Variants in ATP8B1 observed in about 807,000 individuals in gnomAD.
ATP8B1 encodes the protein ATPase phospholipid transporting 8B1, also known as phospholipid-transporting ATPase IC.
Under a neutral mutation model 149.9 loss-of-function variants are expected in ATP8B1, and 80 were observed. That is an observed-to-expected ratio of 0.53 (90% CI 0.45 to 0.64). ATP8B1 has a LOEUF of 0.64. Ranked by LOEUF, ATP8B1 falls within the 30% of genes least tolerant of loss-of-function variation. The probability of loss-of-function intolerance (pLI) is 0.00; values close to 1 mark genes in which losing one functional copy is unlikely to be tolerated. For synonymous variants in ATP8B1, 536 were observed against 562.8 expected, an observed-to-expected ratio of 0.95 and a Z score of 0.67; for missense variants, 1,247 against 1,552.6, an observed-to-expected ratio of 0.80 and a Z score of 3.31.
intron 17 of ATP8B1, among the ~76,000 whole-genome samples, chr18:57,670,292 G>C (rs1244696729): frequency 6.6e-6 from 1 of 151,490 alleles, no homozygotes; most frequent in Non-Finnish European, 1.5e-5. Context: ...ATGGAAAAGA[G>C]TATCTGGCAA....
At chr18:57,698,001 G>A in intron 6 of ATP8B1, 134 bp from the exon 7 acceptor site, 1 of 781,778 alleles carries the variant, frequency 1.3e-6, no homozygotes. Context: ...GCTCTTTAAT[G>A]GATGTAAACA....
chr18:57,677,472 T>C (rs1192211545), intron 15 of ATP8B1, among the ~76,000 whole-genome samples: 1 of 111,546 alleles, frequency 9.0e-6, no homozygotes, highest in Non-Finnish European at 2.0e-5. Flanking sequence ...TTGACCAGGA[T>C]GAAGGCCACA....
At position 57,691,926 on chromosome 18, in the gene ATP8B1, G is replaced by T. The variant is rs35969033; in HGVS notation, c.1101C>A (p.Gly367=). Residue 367 remains glycine (G), a synonymous_variant, in exon 12 of 28, where the codon GGC becomes GGA. Coordinates refer to ENST00000648908, the MANE Select transcript of ATP8B1 (RefSeq NM_001374385.1). The stretch of plus-strand genomic sequence containing the variant: ...CATCATAGAGGTACCAAGAGGAATT[G>T]CCCACCTGTGCTTCCCAATAAGCAT... ...IGHAYWEAQV[G]NSSWYLYDGE... 49 of 1,614,034 alleles carry T rather than the reference G, an allele frequency of 3.0e-5. No homozygotes were observed. Among genetic ancestry groups the T allele is most frequent in the Non-Finnish European group, 4.1e-5 (48 of 1,180,028 alleles).
rs151126805 is a variant in ATP8B1 at position 57,736,185 on chromosome 18, T to G, written c.-25-4353A>C. ...TTTTTATGGCTGCAGGGATTATTTG[T>G]TTTTGAGTTGTTTGAGTTCCTTGTA... On this transcript the variant is annotated intron_variant, in intron 1 of 27. Coordinates refer to ENST00000648908, the MANE Select transcript of ATP8B1 (RefSeq NM_001374385.1). 5.8e-3 allele frequency among the ~76,000 whole-genome samples: 877 copies of G among 152,244 alleles called. 13 individuals are homozygous for G. The highest frequency in any genetic ancestry group is 0.02 in the African/African-American group (837 of 41,556).
intron 1 of ATP8B1, among the ~76,000 whole-genome samples, chr18:57,758,793 G>A (rs962749487): frequency 1.3e-5 from 2 of 152,050 alleles, no homozygotes; most frequent in Middle Eastern, 3.4e-3. Context: ...CACTTCTCAG[G>A]CAACTGTTTG....
At chr18:57,706,142 G>A (rs1913379060) in intron 3 of ATP8B1, among the ~76,000 whole-genome samples, 1 of 152,156 alleles carries the variant, frequency 6.6e-6, no homozygotes, top group African/African-American at 2.4e-5. Flanking sequence ...GGCAGAGAAG[G>A]GGAAGATAAG....
At chr18:57,676,416 A>AG (rs1455257956) in intron 15 of ATP8B1, among the ~76,000 whole-genome samples, 1 of 151,994 alleles carries the variant, frequency 6.6e-6, no homozygotes, top group Non-Finnish European at 1.5e-5. Context: ...TATTAAAAAA[A>AG]AAAAGAAAAA....
chr18:57,718,248 G>GA (rs1166498454), intron 2 of ATP8B1, among the ~76,000 whole-genome samples: 2 of 151,598 alleles, frequency 1.3e-5, no homozygotes, highest in Non-Finnish European at 2.9e-5. Context: ...CAATAAATTG[G>GA]AAAATGTAGA....
intron 1 of ATP8B1, among the ~76,000 whole-genome samples, chr18:57,735,956 TC>T (rs1213497580): frequency 5.3e-5 from 8 of 149,920 alleles, no homozygotes; most frequent in Non-Finnish European, 1.0e-4. Context: ...CCTAATACTC[TC>T]CCATTCCTTG....
At chr18:57,698,292 C>T (rs1308956060) in intron 6 of ATP8B1, among the ~76,000 whole-genome samples, 3 of 152,034 alleles carry the variant, frequency 2.0e-5, no homozygotes, top group African/African-American at 7.2e-5. Flanking sequence ...CTTCGTGGGG[C>T]TTCAGAGCTT....
intron 1 of ATP8B1, among the ~76,000 whole-genome samples, chr18:57,756,860 G>C (rs528018035): frequency 6.6e-6 from 1 of 152,196 alleles, no homozygotes; most frequent in Non-Finnish European, 1.5e-5. Context: ...TGGTCATGTG[G>C]TCAACGTGTT....
At chr18:57,745,083 A>G (rs918622944) in intron 1 of ATP8B1, among the ~76,000 whole-genome samples, 2 of 152,228 alleles carry the variant, frequency 1.3e-5, no homozygotes, top group Admixed American at 6.5e-5. Context: ...ACACTATTCA[A>G]TGTTTTCAAT....
At chr18:57,663,347 G>C (rs1023374839) in intron 20 of ATP8B1, among the ~76,000 whole-genome samples, 1 of 152,234 alleles carries the variant, frequency 6.6e-6, no homozygotes, top group Middle Eastern at 3.4e-3. Flanking sequence ...TGGGCACCTG[G>C]GTTGCGTCCA....
At chr18:57,763,566 T>C (rs112471500) in intron 1 of ATP8B1, among the ~76,000 whole-genome samples, 49 of 152,284 alleles carry the variant, frequency 3.2e-4, no homozygotes, top group African/African-American at 1.2e-3. Context: ...ATCAATTCTA[T>C]TGATGTCATT....
chr18:57,750,267 G>A (rs972621650), intron 1 of ATP8B1, among the ~76,000 whole-genome samples: 1 of 152,050 alleles, frequency 6.6e-6, no homozygotes, highest in Admixed American at 6.6e-5. Flanking sequence ...AATAAACTAG[G>A]GGTTTAAATA....
At chr18:57,773,940 C>A (rs1017069264) in intron 1 of ATP8B1, among the ~76,000 whole-genome samples, 1 of 152,346 alleles carries the variant, frequency 6.6e-6, no homozygotes, top group East Asian at 1.9e-4. Flanking sequence ...CTAGCTCCAA[C>A]ATGGAGGGCA....
At chr18:57,664,011 C>A (rs28406444) in intron 20 of ATP8B1, among the ~76,000 whole-genome samples, 1 of 150,486 alleles carries the variant, frequency 6.6e-6, no homozygotes, top group African/African-American at 2.4e-5. Flanking sequence ...ATGATCCACC[C>A]GCCTCAGCCC....
intron 1 of ATP8B1, among the ~76,000 whole-genome samples, chr18:57,787,245 C>A (rs1290351251): frequency 6.6e-6 from 1 of 152,100 alleles, no homozygotes; most frequent in Admixed American, 6.5e-5. Flanking sequence ...CTTTATATAC[C>A]CTTAGTCCTC....
intron 4 of ATP8B1, among the ~76,000 whole-genome samples, chr18:57,704,083 C>T (rs1913265754): frequency 1.3e-5 from 2 of 152,026 alleles, no homozygotes; most frequent in Non-Finnish European, 2.9e-5. Flanking sequence ...TCTCTTGCCT[C>T]AGTCTCCCGA....
Sources: gnomAD v4.1 joint callset for allele counts (sites outside exome capture counted in the v4.1 genomes callset) on GRCh38, gnomAD v4.1.1 for gene constraint, MANE v1.5 for transcripts, NCBI Gene and HGNC (gene_info 2026-07-23, HGNC 2026-07-21) for gene names.